ITPKB: variants seen among roughly 807,000 people sequenced by gnomAD.
The protein encoded by ITPKB is inositol-trisphosphate 3-kinase B.
Under a neutral mutation model 69.4 loss-of-function variants are expected in ITPKB, and 13 were observed. That is an observed-to-expected ratio of 0.19 (90% CI 0.12 to 0.30). The LOEUF (loss-of-function observed/expected upper bound fraction) is 0.30, where lower values mean the gene tolerates loss of function less well. ITPKB is among the 10% of genes least tolerant of loss of function. The pLI is 1.00. For synonymous variants in ITPKB, 584 were observed against 513.7 expected (o/e 1.14, Z -1.85); for missense variants, 1,240 against 1,250.5 (o/e 0.99, Z 0.13).
At chr1:226,695,913 G>A (rs1031338028) in intron 2 of ITPKB, among the ~76,000 whole-genome samples, 5 of 152,116 alleles carry the variant, frequency 3.3e-5, no homozygotes, top group African/African-American at 1.2e-4. Flanking sequence ...GGAGGAGGGG[G>A]AGGAAACGGA....
chr1:226,719,395 C>T (rs1657173532), intron 2 of ITPKB, among the ~76,000 whole-genome samples: 1 of 152,238 alleles, frequency 6.6e-6, no homozygotes, highest in Admixed American at 6.5e-5. Context: ...TGGTCGGTCA[C>T]TTGCCGCCCC....
Position 226,637,816 on chromosome 1 carries a change from T to C in ITPKB, c.2554-66A>G, listed in dbSNP as rs1460125143. ...GGGAAGGGCAGTGTCAGAACACCCA[T>C]GCGGCCTCTAGTGGTCCCTCCCGTG... On this transcript the variant is annotated intron_variant, in intron 6 of 7. Transcript: ENST00000429204. This position sits in a 1 kb window ranked among gnomAD's most constrained non-coding sequence, Gnocchi z 4.3. 9 of 1,226,308 alleles carry C rather than the reference T, an allele frequency of 7.3e-6. No homozygotes were observed. The highest frequency in any genetic ancestry group is 1.5e-5 in the African/African-American group (1 of 67,416). The allele number at this position is 1,226,308 out of a possible 1,614,324, so 76.0% of individuals were successfully genotyped here.
At chr1:226,703,885 T>A (rs1263178078) in intron 2 of ITPKB, among the ~76,000 whole-genome samples, 1 of 152,206 alleles carries the variant, frequency 6.6e-6, no homozygotes, top group Admixed American at 6.5e-5. Flanking sequence ...GTCAGCAGGC[T>A]CCCAAATCCT....
intron 2 of ITPKB, among the ~76,000 whole-genome samples, chr1:226,655,326 T>C (rs1447073104): frequency 6.6e-6 from 1 of 152,246 alleles, no homozygotes; most frequent in East Asian, 1.9e-4. Flanking sequence ...GCCCTTCTCA[T>C]GCCCTGTGAC....
rs376962921 is a variant in ITPKB, at chr1:226,703,703, C to A, written c.1932+31824G>T. On this transcript the variant is annotated intron_variant, in intron 2 of 7. Coordinates refer to ENST00000429204, the MANE Select transcript of ITPKB (RefSeq NM_002221.4). The stretch of plus-strand genomic sequence containing the variant: ...GCGGGGCTTGAAATGCTGACCTGCA[C>A]CCCTGGCTTGCGCTCCCCCAGGCGG... 2.6e-5 allele frequency among the ~76,000 whole-genome samples: 4 copies of A among 152,350 alleles called. No homozygotes were observed. The East Asian group carries it at 7.7e-4, about 29-fold the overall frequency.
At chr1:226,697,613 G>A (rs1034219857) in intron 2 of ITPKB, among the ~76,000 whole-genome samples, 9 of 152,200 alleles carry the variant, frequency 5.9e-5, no homozygotes, top group African/African-American at 2.2e-4. Context: ...CCTGATAGGC[G>A]AACTGGGCTT....
intron 2 of ITPKB, among the ~76,000 whole-genome samples, chr1:226,654,099 T>G (rs1337580642): frequency 6.6e-6 from 1 of 151,732 alleles, no homozygotes; most frequent in Non-Finnish European, 1.5e-5. Context: ...GTGGTGGTGG[T>G]GGGGAGGGGA....
chr1:226,707,953 A>C (rs758950230), intron 2 of ITPKB: 1 of 1,294,678 alleles, frequency 7.7e-7, no homozygotes, highest in African/African-American at 1.5e-5. Context: ...TAACAAAAAT[A>C]CTCATGGCTG....
At chr1:226,635,598 C>T (rs1668818933) in intron 7 of ITPKB, among the ~76,000 whole-genome samples, 1 of 152,208 alleles carries the variant, frequency 6.6e-6, no homozygotes, top group Admixed American at 6.5e-5. Context: ...AACCTGACTC[C>T]TCCCAAACAC....
intron 2 of ITPKB, among the ~76,000 whole-genome samples, chr1:226,704,974 G>A (rs958759085): frequency 2.6e-5 from 4 of 152,208 alleles, no homozygotes; most frequent in Non-Finnish European, 5.9e-5. Flanking sequence ...TTGGCCAAAT[G>A]TATTAAATGT....
chr1:226,632,695 G>C lies in ITPKB; in HGVS notation c.*1976C>G, dbSNP rs1668751410. 6.6e-6 allele frequency: 1 copy of C among 152,564 alleles called. No homozygotes were observed. Among genetic ancestry groups the C allele is most frequent in the African/African-American group, 2.4e-5 (1 of 41,440 alleles). 9.5% of individuals were successfully genotyped at this position (152,564 alleles called of 1,614,324 possible). ...ATTAGCACATTGTTTGCAAACAGCT[G>C]GTGTCTGCCTAAAGTGCTTGGAACA... On this transcript the variant is annotated 3_prime_UTR_variant, in exon 8 of 8. Coordinates refer to ENST00000429204, the MANE Select transcript of ITPKB (RefSeq NM_002221.4).
At chr1:226,719,129 A>T (rs1257587784) in intron 2 of ITPKB, among the ~76,000 whole-genome samples, 1 of 152,222 alleles carries the variant, frequency 6.6e-6, no homozygotes, top group Non-Finnish European at 1.5e-5. Flanking sequence ...ACACAAAAAA[A>T]GTAGCCAGTT....
intron 2 of ITPKB, among the ~76,000 whole-genome samples, chr1:226,678,395 C>A (rs2102771852): frequency 6.6e-6 from 1 of 152,348 alleles, no homozygotes; most frequent in South Asian, 2.1e-4. Context: ...AAATCCCCTG[C>A]AGATGGCTGC....
chr1:226,667,826 ATGTG>A (rs3841844), intron 2 of ITPKB, among the ~76,000 whole-genome samples: 1,493 of 148,460 alleles, frequency 0.01, 10 homozygotes, highest in African/African-American at 0.02. Flanking sequence ...GATGAGGAAA[ATGTG>A]TGTGTGTGTG....
chr1:226,684,284 A>T (rs1407944013), intron 2 of ITPKB, among the ~76,000 whole-genome samples: 2 of 152,320 alleles, frequency 1.3e-5, no homozygotes, highest in East Asian at 1.9e-4. Flanking sequence ...GCACTTGCTC[A>T]TCTGTTACCA....
At chr1:226,664,605 AG>A (rs1669463505) in intron 2 of ITPKB, among the ~76,000 whole-genome samples, 1 of 152,176 alleles carries the variant, frequency 6.6e-6, no homozygotes, top group Non-Finnish European at 1.5e-5. Flanking sequence ...CATCATTTCT[AG>A]GGAACAGAAC....
chr1:226,653,208 C>T (rs930209525), intron 2 of ITPKB, among the ~76,000 whole-genome samples: 1 of 152,194 alleles, frequency 6.6e-6, no homozygotes, highest in Non-Finnish European at 1.5e-5. Flanking sequence ...CCAAAGTCAT[C>T]CCATTCTATG....
chr1:226,645,878 TC>T (rs1370061941), intron 4 of ITPKB, among the ~76,000 whole-genome samples: 4 of 152,070 alleles, frequency 2.6e-5, no homozygotes, highest in Non-Finnish European at 4.4e-5. Context: ...TGCTTCTCCA[TC>T]CCCCATTCTT....
chr1:226,719,806 G>A (rs1295472754), intron 2 of ITPKB, among the ~76,000 whole-genome samples: 2 of 152,158 alleles, frequency 1.3e-5, no homozygotes, highest in Non-Finnish European at 2.9e-5. Flanking sequence ...GAGGCATCTG[G>A]ACACGTGCAG....
Sources: allele counts gnomAD v4.1 joint callset (sites outside exome capture counted in the v4.1 genomes callset), GRCh38; gene constraint gnomAD v4.1.1; non-coding constraint Gnocchi (gnomAD v3.1); transcripts MANE v1.5; gene names NCBI Gene and HGNC (gene_info 2026-07-23, HGNC 2026-07-21).